Variants in CNGB3 observed in about 807,000 individuals in gnomAD.
The protein encoded by CNGB3 is cyclic nucleotide gated channel subunit beta 3.
CNGB3 carries 86 observed loss-of-function variants against 92.8 expected under a neutral mutation model. That is an observed-to-expected ratio of 0.93 (90% CI 0.78 to 1.11). The LOEUF is 1.11. CNGB3 is among the 50% of genes least tolerant of loss of function. The pLI, the probability that CNGB3 is intolerant of heterozygous loss-of-function variation, is 0.00. For missense variants in CNGB3, 1,026 were observed against 956.8 expected (o/e 1.07, Z -0.95); for synonymous variants, 333 against 332.7 (o/e 1.00, Z -0.01).
intron 4 of CNGB3, among the ~76,000 whole-genome samples, chr8:86,670,224 G>T (rs1396562563): frequency 6.6e-6 from 1 of 152,144 alleles, no homozygotes; most frequent in Non-Finnish European, 1.5e-5. Flanking sequence ...TGATTGGTTT[G>T]TTGATGTCCT....
chr8:86,603,736 G>T (rs4961202), intron 15 of CNGB3, among the ~76,000 whole-genome samples: 40,905 of 152,042 alleles, frequency 0.27, 5,907 homozygotes, highest in Admixed American at 0.41. Context: ...ACTAGCCTAC[G>T]CAAGACCCCC....
At position 86,660,125 on chromosome 8, in the gene CNGB3, C is replaced by T. The variant is rs193190366; in HGVS notation, c.853-6063G>A. The T allele has an allele frequency of 4.5e-3, 1,409 of 310,264 alleles. 12 individuals carry two copies. Among genetic ancestry groups the T allele is most frequent in the Non-Finnish European group, 2.6e-3 (394 of 150,428 alleles). The allele number at this position is 310,264 out of a possible 1,614,324, so 19.2% of individuals were successfully genotyped here. On this transcript the variant is annotated intron_variant, in intron 6 of 17. Transcript: ENST00000320005. ...AGAAAGCATGGTCTTTGCACATATCCTCAGGTGAATGGCAACCACCAGAAG... is the reference window on the plus strand; with the variant it reads ...AGAAAGCATGGTCTTTGCACATATCTTCAGGTGAATGGCAACCACCAGAAG...
chr8:86,714,777 A>G (rs1824818566), intron 3 of CNGB3, among the ~76,000 whole-genome samples: 1 of 152,106 alleles, frequency 6.6e-6, no homozygotes, highest in South Asian at 2.1e-4. Flanking sequence ...GGCTGCCTGG[A>G]AATAGACTCA....
intron 6 of CNGB3, among the ~76,000 whole-genome samples, chr8:86,662,875 C>T (rs1823670888): frequency 1.3e-5 from 2 of 152,174 alleles, no homozygotes; most frequent in Admixed American, 6.5e-5. Flanking sequence ...GCCAAGGACC[C>T]TGTCTTTAGC....
rs117723408 is a variant in CNGB3 at position 86,703,832 on chromosome 8, T to C, written c.338+22699A>G. Reference sequence around the variant, plus strand: ...GAATCAGTATGGTGTTATATCTGAGTGATTATAAGTCATTTTTACTTTTAT... The same window carrying C: ...GAATCAGTATGGTGTTATATCTGAGCGATTATAAGTCATTTTTACTTTTAT... On this transcript the variant is annotated intron_variant, in intron 3 of 17. Coordinates refer to ENST00000320005, the MANE Select transcript of CNGB3 (RefSeq NM_019098.5). 12 of 152,330 alleles carry C rather than the reference T, an allele frequency of 7.9e-5. No individual in the cohort carries two copies. The South Asian group carries it at 2.5e-3, about 32-fold the overall frequency. The allele number at this position is 152,330 out of a possible 1,614,324, so 9.4% of individuals were successfully genotyped here.
chr8:86,593,840 A>C, intron 15 of CNGB3: 1 of 930,230 alleles, frequency 1.1e-6, no homozygotes. Flanking sequence ...GAAGTTGGTC[A>C]AATTGAACTC....
intron 2 of CNGB3, among the ~76,000 whole-genome samples, chr8:86,729,736 A>T (rs548179724): frequency 1.3e-5 from 2 of 152,358 alleles, no homozygotes; most frequent in Non-Finnish European, 1.5e-5. Context: ...GTGGAAACAG[A>T]TGGTCAGAGT....
In CNGB3 at chr8:86,578,824, G is replaced by C. The variant is rs771447950; in HGVS notation, c.1968C>G (p.Thr656=). Residue 656 remains threonine, a synonymous_variant, in exon 17 of 18, where the codon ACC becomes ACG. Coordinates refer to ENST00000320005, the MANE Select transcript of CNGB3 (RefSeq NM_019098.5). ...LKQKAKTAEA[T]PPRKDLALLF... is the part of the protein sequence containing the mutation. Reference sequence around the variant, plus strand: ...GGAGGGCAAGATCTTTTCTTGGAGGGGTTGCTTCTGCGGTCTTAGCCTTCT... The same window carrying C: ...GGAGGGCAAGATCTTTTCTTGGAGGCGTTGCTTCTGCGGTCTTAGCCTTCT... 8.1e-6 allele frequency: 13 copies of C among 1,613,974 alleles called. No homozygotes were observed. The Admixed American group carries it at 2.0e-4, about 25-fold the overall frequency.
At position 86,578,828 on chromosome 8, in the gene CNGB3, G is replaced by T. The variant is rs774779115; in HGVS notation, c.1964C>A (p.Ala655Glu). ...LLKQKAKTAEATPPRKDLALL... is the reference protein window; with the variant it reads ...LLKQKAKTAEETPPRKDLALL... ...GGCAAGATCTTTTCTTGGAGGGGTT[G>T]CTTCTGCGGTCTTAGCCTTCTGCTT... Residue 655 changes from alanine (A) to glutamate (E), a missense_variant, in exon 17 of 18, where the codon GCA (alanine) becomes GAA (glutamate). Physicochemically the swap from Ala to Glu is moderately radical, Grantham distance 107. Coordinates refer to ENST00000320005, the MANE Select transcript of CNGB3 (RefSeq NM_019098.5). 3 of 1,614,186 alleles carry T rather than the reference G, an allele frequency of 1.9e-6. No homozygotes were observed. The highest frequency in any genetic ancestry group is 1.3e-5 in the African/African-American group (1 of 75,044).
intron 1 of CNGB3, 34 bp from the exon 2 acceptor site, chr8:86,739,770 A>G: frequency 6.2e-7 from 1 of 1,601,862 alleles, no homozygotes; most frequent in Non-Finnish European, 8.5e-7. Flanking sequence ...GTATGTGATG[A>G]ATTTACATAA....
intron 15 of CNGB3, among the ~76,000 whole-genome samples, chr8:86,597,368 C>T (rs1170991413): frequency 6.6e-6 from 1 of 152,126 alleles, no homozygotes; most frequent in African/African-American, 2.4e-5. Context: ...ACATTTGGCA[C>T]AGCCATAGGT....
At chr8:86,678,506 A>G (rs1010949942) in intron 3 of CNGB3, among the ~76,000 whole-genome samples, 1 of 152,150 alleles carries the variant, frequency 6.6e-6, no homozygotes, top group South Asian at 2.1e-4. Flanking sequence ...ATGATGCACA[A>G]TTTCCTAACC....
At chr8:86,699,756 A>G (rs545416873) in intron 3 of CNGB3, among the ~76,000 whole-genome samples, 1 of 152,356 alleles carries the variant, frequency 6.6e-6, no homozygotes, top group East Asian at 1.9e-4. Context: ...TGCCAAATTT[A>G]TAGGGTTGTC....
intron 15 of CNGB3, among the ~76,000 whole-genome samples, chr8:86,601,770 CA>C: frequency 6.6e-6 from 1 of 152,282 alleles, no homozygotes. Context: ...CCTGTTTCCC[CA>C]TAACCACAGC....
chr8:86,632,929 C>T, intron 10 of CNGB3, 36 bp from the exon 11 acceptor site: 3 of 1,591,704 alleles, frequency 1.9e-6, no homozygotes, highest in Non-Finnish European at 1.7e-6. Context: ...TGCTTTTTTT[C>T]TATATCATCG....
chr8:86,610,603 A>AT (rs148454937), intron 14 of CNGB3, among the ~76,000 whole-genome samples: 4,060 of 152,272 alleles, frequency 0.027, 100 homozygotes, highest in East Asian at 0.071. Flanking sequence ...CATTTAACAC[A>AT]TTATTTTGAA....
chr8:86,580,850 T>C (rs1458913724), intron 15 of CNGB3, among the ~76,000 whole-genome samples: 2 of 152,170 alleles, frequency 1.3e-5, no homozygotes, highest in Admixed American at 6.5e-5. Flanking sequence ...AGTTAATCTG[T>C]TAGAAACTGA....
In CNGB3 at chr8:86,578,810, T is replaced by A; in HGVS notation, c.1982A>T (p.Asp661Val). The A allele has an allele frequency of 6.2e-7, 1 of 1,614,180 alleles. No individual in the cohort carries two copies. The highest frequency in any genetic ancestry group is 8.5e-7 in the Non-Finnish European group (1 of 1,180,048). The change falls in exon 17 of 18, where the codon GAT becomes GTT. Residue 661 changes from aspartate to valine, a missense_variant. By Grantham distance (152) the Asp-to-Val change is radical. Transcript: ENST00000320005. ...TTTCGGTGGGAAGAGGAGGGCAAGA[T>A]CTTTTCTTGGAGGGGTTGCTTCTGC... ...KTAEATPPRKDLALLFPPKEE... is the reference protein window; with the variant it reads ...KTAEATPPRKVLALLFPPKEE...
intron 10 of CNGB3, among the ~76,000 whole-genome samples, chr8:86,634,606 C>T (rs758970335): frequency 4.6e-5 from 7 of 151,902 alleles, no homozygotes; most frequent in Non-Finnish European, 8.8e-5. Context: ...AGAACGTCTC[C>T]AGGTTTTGTT....
Sources: gnomAD v4.1 joint callset for allele counts (sites outside exome capture counted in the v4.1 genomes callset) on GRCh38, gnomAD v4.1.1 for gene constraint, MANE v1.5 for transcripts, NCBI Gene and HGNC (gene_info 2026-07-23, HGNC 2026-07-21) for gene names.